Variants in SGSM1 observed in about 807,000 individuals in gnomAD.
SGSM1 encodes the protein small G protein signaling modulator 1.
A neutral mutation model predicts 133.8 loss-of-function variants in SGSM1; 73 were observed. The observed-to-expected ratio is 0.55, with a 90% CI of 0.45 to 0.66. The LOEUF (loss-of-function observed/expected upper bound fraction) is 0.66, where lower values mean the gene tolerates loss of function less well. SGSM1 is among the 30% of genes least tolerant of loss of function. The pLI, the probability that SGSM1 is intolerant of heterozygous loss-of-function variation, is 0.00. For synonymous variants in SGSM1, 563 were observed against 573.0 expected (o/e 0.98, Z 0.25); for missense variants, 1,213 against 1,448.1 (o/e 0.84, Z 2.64).
chr22:24,886,459 T>G (rs912180436), intron 15 of SGSM1, 141 bp from the exon 16 acceptor site: 11 of 1,100,622 alleles, frequency 1.0e-5, no homozygotes, highest in Non-Finnish European at 1.4e-5. Context: ...ATCCCAGCAC[T>G]TTGGGAGGCC....
At chr22:24,873,811 C>T (rs1276468226) in intron 12 of SGSM1, among the ~76,000 whole-genome samples, 3 of 152,072 alleles carry the variant, frequency 2.0e-5, no homozygotes, top group African/African-American at 7.2e-5. Context: ...CACGTTTGTG[C>T]CACTGTACAT....
intron 2 of SGSM1, among the ~76,000 whole-genome samples, chr22:24,812,605 G>A (rs1601881178): frequency 6.6e-6 from 1 of 152,152 alleles, no homozygotes; most frequent in Non-Finnish European, 1.5e-5. Flanking sequence ...GGCTGTATGT[G>A]CCAGGCTGTG....
chr22:24,882,110 T>A (rs1175308675), intron 14 of SGSM1, among the ~76,000 whole-genome samples: 1 of 152,128 alleles, frequency 6.6e-6, no homozygotes, highest in Non-Finnish European at 1.5e-5. Flanking sequence ...GGGTCTCGCC[T>A]TGTCACCCCG....
chr22:24,855,148 T>C, intron 6 of SGSM1, 85 bp downstream of exon 6: 1 of 1,556,148 alleles, frequency 6.4e-7, no homozygotes, highest in Non-Finnish European at 8.7e-7. Context: ...CTCACCCCTG[T>C]CCAGCCTTGC....
intron 21 of SGSM1, among the ~76,000 whole-genome samples, chr22:24,907,458 C>T (rs942393868): frequency 2.0e-5 from 3 of 151,920 alleles, no homozygotes. Flanking sequence ...GTTAAGGTAG[C>T]AATGCTCTCC....
chr22:24,823,517 C>T (rs1245489646), intron 2 of SGSM1, among the ~76,000 whole-genome samples: 3 of 152,102 alleles, frequency 2.0e-5, no homozygotes, highest in Non-Finnish European at 4.4e-5. Context: ...AGGAGAATGA[C>T]GGGAACCTGG....
intron 14 of SGSM1, among the ~76,000 whole-genome samples, chr22:24,883,226 A>G (rs1433302822): frequency 6.6e-6 from 1 of 152,134 alleles, no homozygotes; most frequent in Non-Finnish European, 1.5e-5. Context: ...TTATCCATTC[A>G]TTCACTGATG....
In SGSM1 at chr22:24,861,640, T is replaced by TG. The variant is rs1180052740; in HGVS notation, c.926+1803dup. 2.0e-5 allele frequency among the ~76,000 whole-genome samples: 3 copies of TG among 150,138 alleles called. No individual in the cohort carries two copies. In the East Asian group the frequency reaches 6.1e-4, roughly 31 times the overall value. ...TCGGCTCACTGCAACCTCTGCTTCC[T>TG]GGGTTCAAGCGATCCTCCCACCTCA... On this transcript the variant is annotated intron_variant, in intron 9 of 24. Coordinates refer to ENST00000400358, the MANE Select transcript of SGSM1 (RefSeq NM_001098497.3).
intron 2 of SGSM1, among the ~76,000 whole-genome samples, chr22:24,833,548 C>T (rs1929243740): frequency 6.6e-6 from 1 of 151,722 alleles, no homozygotes; most frequent in Non-Finnish European, 1.5e-5. Context: ...GTCCCAGCTA[C>T]TTGGGAGGCT....
At chr22:24,817,822 G>A (rs371192129) in intron 2 of SGSM1, among the ~76,000 whole-genome samples, 3 of 152,306 alleles carry the variant, frequency 2.0e-5, no homozygotes, top group African/African-American at 2.4e-5. Context: ...AGATCAGGGC[G>A]GCAGCATGGT....
Position 24,905,519 on chromosome 22 carries a change from G to T in SGSM1, c.2818+332G>T, listed in dbSNP as rs534558844. 7.9e-5 allele frequency among the ~76,000 whole-genome samples: 12 copies of T among 152,300 alleles called. No homozygotes were observed. The East Asian group carries it at 2.3e-3, about 29-fold the overall frequency. ...AGAATTAATGCCAGCCGGGCACAGTGGCTCACGCCTGTAATCCCAGCACTT... is the reference window on the plus strand; with the variant it reads ...AGAATTAATGCCAGCCGGGCACAGTTGCTCACGCCTGTAATCCCAGCACTT... On this transcript the variant is annotated intron_variant, in intron 21 of 24. Coordinates refer to ENST00000400358, the MANE Select transcript of SGSM1 (RefSeq NM_001098497.3).
In SGSM1 at chr22:24,818,237, A is replaced by C. The variant is rs575369191; in HGVS notation, c.63+11753A>C. On this transcript the variant is annotated intron_variant, in intron 2 of 24. Coordinates refer to ENST00000400358, the MANE Select transcript of SGSM1 (RefSeq NM_001098497.3). ...ACAGAGCAAGACTCTGTCTCAAAAA[A>C]AAAAAAAATAAAATAAAATAAAACA... is the stretch of plus-strand genomic sequence containing the variant. Among the ~76,000 whole-genome samples the C allele has an allele frequency of 4.7e-5, 7 of 147,678 alleles. No individual in the cohort carries two copies. In the South Asian group the frequency reaches 1.1e-3, roughly 23 times the overall value.
At chr22:24,890,821 C>G (rs371365259) in intron 16 of SGSM1, among the ~76,000 whole-genome samples, 2 of 152,192 alleles carry the variant, frequency 1.3e-5, no homozygotes, top group South Asian at 4.1e-4. Context: ...GGATTACAGG[C>G]GTGAGCCAAC....
At chr22:24,820,827 C>T (rs770229732) in intron 2 of SGSM1, among the ~76,000 whole-genome samples, 16 of 152,338 alleles carry the variant, frequency 1.1e-4, no homozygotes, top group Middle Eastern at 3.4e-3. Context: ...AGATCCCTGC[C>T]TTCAGCCTAG....
At chr22:24,821,350 T>C (rs1569133482) in intron 2 of SGSM1, among the ~76,000 whole-genome samples, 1 of 152,150 alleles carries the variant, frequency 6.6e-6, no homozygotes, top group South Asian at 2.1e-4. Flanking sequence ...GCCGATATCT[T>C]GATGATGAAA....
intron 21 of SGSM1, among the ~76,000 whole-genome samples, chr22:24,909,608 A>T (rs1002814275): frequency 2.6e-5 from 4 of 151,690 alleles, no homozygotes; most frequent in Non-Finnish European, 4.4e-5. Context: ...GGCGCCCACC[A>T]CCACATCTGG....
chr22:24,844,619 A>C (rs9612790), intron 2 of SGSM1: 1 of 430,808 alleles, frequency 2.3e-6, no homozygotes, highest in Non-Finnish European at 4.2e-6. Flanking sequence ...CAGTGTGGTC[A>C]GGAAAGGAGA....
chr22:24,873,173 G>A (rs1931851381), intron 12 of SGSM1, among the ~76,000 whole-genome samples: 1 of 151,872 alleles, frequency 6.6e-6, no homozygotes, highest in Admixed American at 6.6e-5. Flanking sequence ...TGTTGCCTAG[G>A]CTGGACTTGG....
At chr22:24,885,986 A>G (rs1353109477) in intron 15 of SGSM1, among the ~76,000 whole-genome samples, 1 of 152,238 alleles carries the variant, frequency 6.6e-6, no homozygotes, top group Non-Finnish European at 1.5e-5. Context: ...GCCTCCAAGT[A>G]GATCATGGAA....
Sources: gnomAD v4.1 joint callset for allele counts (sites outside exome capture counted in the v4.1 genomes callset) on GRCh38, gnomAD v4.1.1 for gene constraint, MANE v1.5 for transcripts, NCBI Gene and HGNC (gene_info 2026-07-23, HGNC 2026-07-21) for gene names.